ADCY9: variants seen among roughly 807,000 people sequenced by gnomAD.
ADCY9 encodes adenylate cyclase 9, also known as adenylate cyclase type 9.
In ADCY9, 50 loss-of-function variants were observed where a neutral mutation model predicts 101.5. The observed-to-expected ratio is 0.49, with a 90% CI of 0.39 to 0.62. The LOEUF is 0.62. Among genes scored for constraint, ADCY9 ranks in the 20% least tolerant of loss-of-function variants. The pLI is 0.00. For synonymous variants in ADCY9, 905 were observed against 769.3 expected, an observed-to-expected ratio of 1.18 and a Z score of -2.92; for missense variants, 1,662 against 1,800.4, an observed-to-expected ratio of 0.92 and a Z score of 1.39.
chr16:3,953,968 T>C (rs2238428), intron 5 of ADCY9, among the ~76,000 whole-genome samples: 64,039 of 152,064 alleles, frequency 0.42, 14,127 homozygotes, highest in Non-Finnish European at 0.5. Context: ...GGAATTTGAT[T>C]GGAATAACTG....
chr16:4,070,364 A>C (rs770448928), intron 2 of ADCY9, among the ~76,000 whole-genome samples: 1 of 152,198 alleles, frequency 6.6e-6, no homozygotes, highest in Non-Finnish European at 1.5e-5. Flanking sequence ...TATTTCTTAT[A>C]TGTGGCTTTT....
In ADCY9 at chr16:4,116,280, C is replaced by G. The variant is rs1322183022; in HGVS notation, c.-634G>C. On this transcript the variant is annotated 5_prime_UTR_variant, in exon 1 of 11. Coordinates refer to ENST00000294016, the MANE Select transcript of ADCY9 (RefSeq NM_001116.4). ...CCGCAGAGCCGGGCTCCCGCGACGCCGGCCGGGACGCCCGCCCGCCCGCGC... is the reference window on the plus strand; with the variant it reads ...CCGCAGAGCCGGGCTCCCGCGACGCGGGCCGGGACGCCCGCCCGCCCGCGC... 1 of 146,020 alleles carries G rather than the reference C, an allele frequency of 6.8e-6. No homozygotes were observed. The highest frequency in any genetic ancestry group is 1.5e-5 in the Non-Finnish European group (1 of 65,586). 9.0% of individuals were successfully genotyped at this position (146,020 alleles called of 1,614,324 possible). A position where few individuals can be genotyped will look rare whatever the true frequency, so the allele number is the denominator to read the frequency against.
chr16:3,979,621 C>T (rs1197615159), intron 7 of ADCY9, among the ~76,000 whole-genome samples: 4 of 152,286 alleles, frequency 2.6e-5, no homozygotes, highest in Non-Finnish European at 5.9e-5. Context: ...CACCGGCTCC[C>T]ATCAGCTTCT....
At chr16:4,054,814 G>A (rs775126070) in intron 2 of ADCY9, among the ~76,000 whole-genome samples, 2 of 152,042 alleles carry the variant, frequency 1.3e-5, no homozygotes, top group Non-Finnish European at 2.9e-5. Context: ...TGATCCACCT[G>A]CCTCGACCTC....
intron 5 of ADCY9, among the ~76,000 whole-genome samples, chr16:3,957,152 G>A (rs977927963): frequency 3.3e-5 from 5 of 152,168 alleles, no homozygotes; most frequent in African/African-American, 9.7e-5. Context: ...AAAAGAAACC[G>A]TTTGGCTGTA....
intron 2 of ADCY9, among the ~76,000 whole-genome samples, chr16:4,050,267 T>G (rs12103309): frequency 0.11 from 17,270 of 152,084 alleles, 3,220 homozygotes; most frequent in African/African-American, 0.39. Flanking sequence ...AACAAACCAT[T>G]TGACTTGGAT....
chr16:4,014,034 C>G (rs1012657348), intron 2 of ADCY9, among the ~76,000 whole-genome samples: 1 of 152,004 alleles, frequency 6.6e-6, no homozygotes, highest in Non-Finnish European at 1.5e-5. Context: ...AAATGAAGTC[C>G]CAGGTCAGGC....
At chr16:4,039,826 C>T (rs1385048525) in intron 2 of ADCY9, among the ~76,000 whole-genome samples, 1 of 152,022 alleles carries the variant, frequency 6.6e-6, no homozygotes, top group African/African-American at 2.4e-5. Context: ...ATCGTTTGAG[C>T]TCGGGTGTTC....
chr16:4,067,682 C>A (rs1186758936), intron 2 of ADCY9, among the ~76,000 whole-genome samples: 1 of 152,194 alleles, frequency 6.6e-6, no homozygotes, highest in Non-Finnish European at 1.5e-5. Context: ...GAGATCAGCA[C>A]AGCCTGCAGC....
chr16:4,003,816 C>T (rs140215278), intron 3 of ADCY9, among the ~76,000 whole-genome samples: 71 of 152,172 alleles, frequency 4.7e-4, no homozygotes, highest in African/African-American at 1.4e-3. Flanking sequence ...GCCTCCCCTC[C>T]GCGACGCTGA....
chr16:4,065,994 G>A (rs573071285), intron 2 of ADCY9, among the ~76,000 whole-genome samples: 3 of 152,326 alleles, frequency 2.0e-5, no homozygotes, highest in East Asian at 3.9e-4. Flanking sequence ...GTGAGCCTCC[G>A]CGCCTGGACT....
chr16:4,095,378 C>T (rs183779559), intron 2 of ADCY9, among the ~76,000 whole-genome samples: 166 of 149,300 alleles, frequency 1.1e-3, no homozygotes, highest in African/African-American at 3.8e-3. Context: ...AGGACTAACA[C>T]GTCCCCTTGC....
At chr16:4,046,358 G>A (rs1053914431) in intron 2 of ADCY9, among the ~76,000 whole-genome samples, 5 of 151,866 alleles carry the variant, frequency 3.3e-5, no homozygotes, top group Non-Finnish European at 7.4e-5. Flanking sequence ...CATATGTTGT[G>A]CAGATCCACG....
intron 5 of ADCY9, among the ~76,000 whole-genome samples, chr16:3,953,893 G>A (rs1052047051): frequency 5.9e-5 from 9 of 152,232 alleles, no homozygotes; most frequent in African/African-American, 9.6e-5. Flanking sequence ...TCAGAGCCGC[G>A]TCACAGCTCT....
chr16:3,970,687 T>G (rs1414009638), intron 10 of ADCY9, among the ~76,000 whole-genome samples: 1 of 152,170 alleles, frequency 6.6e-6, no homozygotes, highest in African/African-American at 2.4e-5. Flanking sequence ...CTTGGGATAT[T>G]AAAAAACAAT....
At chr16:4,013,551 G>C (rs1022856834) in intron 2 of ADCY9, among the ~76,000 whole-genome samples, 1 of 152,212 alleles carries the variant, frequency 6.6e-6, no homozygotes, top group Admixed American at 6.5e-5. Flanking sequence ...ATGCCTAGAA[G>C]CTTACGTCAC....
At chr16:3,998,781 A>G (rs201070980) in intron 3 of ADCY9, among the ~76,000 whole-genome samples, 4 of 69,792 alleles carry the variant, frequency 5.7e-5, no homozygotes, top group Admixed American at 1.5e-4. Context: ...AAGAAAAGAA[A>G]AGAAAAGAAA....
At chr16:3,991,115 A>C (rs141735523) in intron 5 of ADCY9, among the ~76,000 whole-genome samples, 1 of 152,270 alleles carries the variant, frequency 6.6e-6, no homozygotes, top group African/African-American at 2.4e-5. Context: ...TCACCCTTTG[A>C]GGCATTATAG....
At chr16:4,103,444 C>A (rs1291099690) in intron 2 of ADCY9, among the ~76,000 whole-genome samples, 1 of 152,190 alleles carries the variant, frequency 6.6e-6, no homozygotes, top group Non-Finnish European at 1.5e-5. Context: ...CTGAGCAGGT[C>A]CCGATGCAGG....
Sources: allele counts gnomAD v4.1 joint callset (sites outside exome capture counted in the v4.1 genomes callset), GRCh38; gene constraint gnomAD v4.1.1; transcripts MANE v1.5; gene names NCBI Gene and HGNC (gene_info 2026-07-23, HGNC 2026-07-21).